The following GUCY1A2 variants were observed in gnomAD, a reference collection of about 807,000 sequenced individuals.
The protein encoded by GUCY1A2 is guanylate cyclase soluble subunit alpha-2.
GUCY1A2 carries 27 observed loss-of-function variants against 63.5 expected under a neutral mutation model. The observed-to-expected ratio is 0.43, with a 90% CI of 0.31 to 0.59. GUCY1A2 has a LOEUF of 0.59. GUCY1A2 is among the 20% of genes least tolerant of loss of function. The probability of loss-of-function intolerance (pLI) is 0.11; values close to 1 mark genes in which losing one functional copy is unlikely to be tolerated. For missense variants in GUCY1A2, 768 were observed against 913.3 expected (o/e 0.84, Z 2.05); for synonymous variants, 364 against 343.5 (o/e 1.06, Z -0.66).
chr11:107,012,677 A>G (rs1861764324), intron 1 of GUCY1A2, among the ~76,000 whole-genome samples: 1 of 152,234 alleles, frequency 6.6e-6, no homozygotes, highest in Admixed American at 6.5e-5. Context: ...TAAGGTAAAG[A>G]AAGGCAATAG....
chr11:107,008,345 C>G (rs1861700644), intron 1 of GUCY1A2, among the ~76,000 whole-genome samples: 1 of 149,576 alleles, frequency 6.7e-6, no homozygotes, highest in East Asian at 2.0e-4. Context: ...ATAAAACCTA[C>G]AGATTATTAT....
intron 1 of GUCY1A2, among the ~76,000 whole-genome samples, chr11:107,000,439 A>G (rs1476904731): frequency 6.6e-6 from 1 of 152,224 alleles, no homozygotes; most frequent in Non-Finnish European, 1.5e-5. Flanking sequence ...TCTCATCATT[A>G]TCACTCCCTA....
intron 4 of GUCY1A2, among the ~76,000 whole-genome samples, chr11:106,934,153 A>G (rs1316400166): frequency 6.6e-6 from 1 of 152,228 alleles, no homozygotes; most frequent in African/African-American, 2.4e-5. Flanking sequence ...CAATGATCAG[A>G]GAGCAGTTCT....
intron 5 of GUCY1A2, among the ~76,000 whole-genome samples, chr11:106,808,653 AAC>A (rs1491318421): frequency 3.0e-5 from 4 of 134,266 alleles, no homozygotes; most frequent in Admixed American, 8.5e-5. Context: ...AAACAAAAAA[AAC>A]ATGACTGCTT....
chr11:106,986,306 G>A (rs1405270560), intron 1 of GUCY1A2, among the ~76,000 whole-genome samples, 175 bp from the exon 2 acceptor site: 2 of 152,096 alleles, frequency 1.3e-5, no homozygotes, highest in Non-Finnish European at 2.9e-5. Flanking sequence ...ACTAATATGA[G>A]GCACTCGGCA....
intron 4 of GUCY1A2, among the ~76,000 whole-genome samples, chr11:106,869,894 GGT>G (rs1859650453): frequency 6.6e-6 from 1 of 152,038 alleles, no homozygotes; most frequent in Non-Finnish European, 1.5e-5. Flanking sequence ...AAGAAAATGT[GGT>G]ACATATACAC....
chr11:106,930,075 A>G (rs1019367871), intron 4 of GUCY1A2, among the ~76,000 whole-genome samples: 8 of 152,228 alleles, frequency 5.3e-5, no homozygotes, highest in Non-Finnish European at 1.0e-4. Flanking sequence ...AGTCAAAACT[A>G]AGGATTAAAA....
intron 5 of GUCY1A2, among the ~76,000 whole-genome samples, chr11:106,786,738 A>G (rs1348494741): frequency 6.6e-6 from 1 of 152,214 alleles, no homozygotes; most frequent in Non-Finnish European, 1.5e-5. Flanking sequence ...CCAGTTTCCC[A>G]GGTTCATCCA....
chr11:106,832,217 G>T (rs370955963), intron 4 of GUCY1A2, among the ~76,000 whole-genome samples: 45 of 152,212 alleles, frequency 3.0e-4, no homozygotes, highest in African/African-American at 1.1e-3. Flanking sequence ...ATTCCAGTCA[G>T]ATGGTTTTAA....
chr11:106,882,849 C>A (rs568498939), intron 4 of GUCY1A2, among the ~76,000 whole-genome samples: 1 of 152,056 alleles, frequency 6.6e-6, no homozygotes, highest in East Asian at 1.9e-4. Context: ...TAATTAGAGA[C>A]GTGATATTAA....
In GUCY1A2 at chr11:106,698,119, A is replaced by ATTTTTTTTTTTTTTTTTTTTTTTTTTTT. The variant is rs71470827; in HGVS notation, c.1992-10364_1992-10363insAAAAAAAAAAAAAAAAAAAAAAAAAAAA. ...TTTACAGCTTTCACTGAATGTTAGA[A>ATTTTTTTTTTTTTTTTTTTTTTTTTTTT]TTTTTTTTTTTTTTTTTTTAGACAG... On this transcript the variant is annotated intron_variant, in intron 7 of 7. Transcript: ENST00000526355. Among the ~76,000 whole-genome samples, 60 of 100,482 alleles carry ATTTTTTTTTTTTTTTTTTTTTTTTTTTT rather than the reference A, an allele frequency of 6.0e-4. 6 individuals are homozygous for ATTTTTTTTTTTTTTTTTTTTTTTTTTTT. The highest frequency in any genetic ancestry group is 8.3e-4 in the Non-Finnish European group (43 of 52,016). 65.9% of individuals were successfully genotyped at this position (100,482 alleles called of 152,430 possible). A position where few individuals can be genotyped will look rare whatever the true frequency, so the allele number is the denominator to read the frequency against.
At chr11:106,899,371 A>C (rs1020390333) in intron 4 of GUCY1A2, among the ~76,000 whole-genome samples, 10 of 152,212 alleles carry the variant, frequency 6.6e-5, no homozygotes, top group Admixed American at 6.5e-4. Flanking sequence ...TATATCCTTA[A>C]ATATAAAAGT....
At chr11:106,737,861 A>G (rs11211887) in intron 6 of GUCY1A2, among the ~76,000 whole-genome samples, 1 of 151,886 alleles carries the variant, frequency 6.6e-6, no homozygotes, top group African/African-American at 2.4e-5. Flanking sequence ...ATAAACATAC[A>G]TGTGCATGTG....
At chr11:106,746,592 G>T (rs1373855612) in intron 6 of GUCY1A2, 4 of 1,596,496 alleles carry the variant, frequency 2.5e-6, no homozygotes, top group South Asian at 1.1e-5. Flanking sequence ...TGCTGATCTG[G>T]AACCAGCTGG....
At chr11:106,695,948 T>C (rs902535796) in intron 7 of GUCY1A2, among the ~76,000 whole-genome samples, 1 of 152,074 alleles carries the variant, frequency 6.6e-6, no homozygotes, top group Non-Finnish European at 1.5e-5. Flanking sequence ...CCCCTGAAAA[T>C]GATAAGGCAG....
intron 7 of GUCY1A2, among the ~76,000 whole-genome samples, chr11:106,707,679 G>A (rs1013224900): frequency 6.6e-6 from 1 of 151,916 alleles, no homozygotes; most frequent in Admixed American, 6.6e-5. Context: ...ATAATGATGA[G>A]CCAAACTCAT....
chr11:106,678,278 C>T lies in GUCY1A2; in HGVS notation c.*9271G>A. On this transcript the variant is annotated 3_prime_UTR_variant, in exon 8 of 8. Coordinates refer to ENST00000526355, the MANE Select transcript of GUCY1A2 (RefSeq NM_000855.3). Reference sequence around the variant, plus strand: ...TACAAAAGCAATTTATCTGAGAGTCCAAGCCAAGGTTAAGTTTTGGTTTCA... The same window carrying T: ...TACAAAAGCAATTTATCTGAGAGTCTAAGCCAAGGTTAAGTTTTGGTTTCA... 4.9e-6 allele frequency: 1 copy of T among 204,412 alleles called. No individual in the cohort carries two copies. The allele number at this position is 204,412 out of a possible 1,614,324, so 12.7% of individuals were successfully genotyped here.
At chr11:106,955,537 G>T (rs1266175290) in intron 3 of GUCY1A2, among the ~76,000 whole-genome samples, 2 of 152,100 alleles carry the variant, frequency 1.3e-5, no homozygotes, top group Non-Finnish European at 2.9e-5. Context: ...GTCTGGAAAT[G>T]ATTTCATTTC....
chr11:106,729,939 T>C (rs907949572), intron 6 of GUCY1A2, among the ~76,000 whole-genome samples: 8 of 151,130 alleles, frequency 5.3e-5, no homozygotes, highest in South Asian at 4.2e-4. Flanking sequence ...GTGGAATGCA[T>C]AGGTTGAATG....
Sources: allele counts gnomAD v4.1 joint callset (sites outside exome capture counted in the v4.1 genomes callset), GRCh38; gene constraint gnomAD v4.1.1; transcripts MANE v1.5; gene names NCBI Gene and HGNC (gene_info 2026-07-23, HGNC 2026-07-21).